Variants in ZC3H12B observed in about 807,000 individuals in gnomAD.
ZC3H12B encodes probable ribonuclease ZC3H12B.
In ZC3H12B, 7 loss-of-function variants were observed where a neutral mutation model predicts 43.9. The observed-to-expected ratio is 0.16, with a 90% confidence interval of 0.09 to 0.30. The LOEUF is 0.30. Ranked by LOEUF, ZC3H12B falls within the 10% of genes least tolerant of loss-of-function variation. ZC3H12B has a pLI of 1.00. For missense variants in ZC3H12B, 475 were observed against 670.2 expected (o/e 0.71, Z 3.22); for synonymous variants, 222 against 241.7 (o/e 0.92, Z 0.76).
the ZC3H12B span, among the ~76,000 whole-genome samples, chrX:65,284,573 C>T: frequency 1.8e-5 from 2 of 111,035 alleles, no homozygotes; most frequent in East Asian, 5.7e-4. Context: ...AACAGCCTGG[C>T]CAACATGGTG....
At chrX:65,351,598 A>T in the ZC3H12B span, among the ~76,000 whole-genome samples, 1 of 112,541 alleles carries the variant, frequency 8.9e-6, no homozygotes, top group African/African-American at 3.2e-5. Context: ...CAGAATCTAC[A>T]AAGGACTTAA....
chrX:65,116,495 T>G, the ZC3H12B span, among the ~76,000 whole-genome samples: 5 of 111,341 alleles, frequency 4.5e-5, no homozygotes, highest in Non-Finnish European at 9.4e-5. Flanking sequence ...GCTTCCAGAT[T>G]TGTTCTTTTT....
At position 65,436,158 on chromosome X, in the gene ZC3H12B, G is replaced by A. The variant is rs112250889; in HGVS notation, n.407+37454G>A. The stretch of plus-strand genomic sequence containing the variant: ...GCAGGAGGAAGAGAGAGTAAAGAGG[G>A]AAGTACCACACAGTTTTCAAACAAC... On this transcript the variant is annotated intron_variant and non_coding_transcript_variant, in intron 3 of 5. Transcript: ENST00000617377. Among the ~76,000 whole-genome samples, 766 of 111,431 alleles carry A rather than the reference G, an allele frequency of 6.9e-3. 9 individuals are homozygous for A. The highest frequency in any genetic ancestry group is 0.024 in the African/African-American group (726 of 30,719).
the ZC3H12B span, among the ~76,000 whole-genome samples, chrX:65,092,577 A>G: frequency 8.9e-6 from 1 of 111,981 alleles, no homozygotes; most frequent in Non-Finnish European, 1.9e-5. Flanking sequence ...GCAAAGAGGA[A>G]GGCTGCATCA....
chrX:65,437,040 C>T (rs947688769), intron 3 of ZC3H12B, among the ~76,000 whole-genome samples: 2 of 110,452 alleles, frequency 1.8e-5, no homozygotes, highest in Non-Finnish European at 3.8e-5. Context: ...GCAGCCTCCA[C>T]CTTCTGGGTT....
chrX:65,419,651 A>T (rs907474858), intron 3 of ZC3H12B, among the ~76,000 whole-genome samples: 1 of 111,081 alleles, frequency 9.0e-6, no homozygotes, highest in Non-Finnish European at 1.9e-5. Flanking sequence ...CCACAGTGAA[A>T]CACAGCACCA....
chrX:65,364,073 C>T (rs1258362108), upstream of ZC3H12B, among the ~76,000 whole-genome samples: 1 of 110,947 alleles, frequency 9.0e-6, no homozygotes, highest in Non-Finnish European at 1.9e-5. Context: ...ATTCCTCACC[C>T]TGATCACACC....
the ZC3H12B span, among the ~76,000 whole-genome samples, chrX:65,190,432 A>G: frequency 9.0e-5 from 10 of 111,349 alleles, no homozygotes; most frequent in Non-Finnish European, 1.9e-4. Context: ...ACCCATGAGC[A>G]TGGAATGTTC....
chrX:65,148,486 A>G, the ZC3H12B span, among the ~76,000 whole-genome samples: 13 of 111,236 alleles, frequency 1.2e-4, no homozygotes, highest in East Asian at 3.7e-3. Flanking sequence ...CCTAGTGTTG[A>G]CATGCGTCTG....
intron 2 of ZC3H12B, among the ~76,000 whole-genome samples, chrX:65,375,859 T>C (rs1411659213): frequency 9.0e-6 from 1 of 111,381 alleles, no homozygotes; most frequent in Non-Finnish European, 1.9e-5. Context: ...AGATCCAGCA[T>C]ATTTTCAGCT....
chrX:65,188,928 C>T, the ZC3H12B span, among the ~76,000 whole-genome samples: 1 of 96,080 alleles, frequency 1.0e-5, no homozygotes, highest in Non-Finnish European at 2.1e-5. Context: ...GTATATCTCC[C>T]AATGCTATCC....
At chrX:65,251,865 A>AT in the ZC3H12B span, among the ~76,000 whole-genome samples, 1 of 111,530 alleles carries the variant, frequency 9.0e-6, no homozygotes, top group Non-Finnish European at 1.9e-5. Context: ...TAGATATACA[A>AT]TCATGTCATC....
intron 3 of ZC3H12B, among the ~76,000 whole-genome samples, chrX:65,426,485 A>T (rs1183840776): frequency 1.0e-5 from 1 of 99,650 alleles, no homozygotes; most frequent in Non-Finnish European, 2.0e-5. Context: ...TTCAGCTTTG[A>T]TCTTGGTTAT....
the ZC3H12B span, among the ~76,000 whole-genome samples, chrX:65,131,679 C>T: frequency 9.0e-6 from 1 of 111,351 alleles, no homozygotes; most frequent in East Asian, 2.8e-4. Flanking sequence ...CCTAACCATG[C>T]GTAGGAAGGA....
the ZC3H12B span, among the ~76,000 whole-genome samples, chrX:65,045,394 T>C: frequency 2.2e-3 from 249 of 112,344 alleles, 2 homozygotes; most frequent in African/African-American, 6.9e-3. Flanking sequence ...GTAATATTCT[T>C]AATTCTTTGT....
chrX:65,286,115 A>C, the ZC3H12B span, among the ~76,000 whole-genome samples: 2 of 112,034 alleles, frequency 1.8e-5, no homozygotes, highest in Non-Finnish European at 3.8e-5. Context: ...ATGCACTCAT[A>C]TGTTAAACAT....
the ZC3H12B span, among the ~76,000 whole-genome samples, chrX:65,224,934 A>C: frequency 8.9e-6 from 1 of 111,788 alleles, no homozygotes; most frequent in Non-Finnish European, 1.9e-5. Context: ...GTAGGCTCCA[A>C]CTCTGGGGGA....
the ZC3H12B span, among the ~76,000 whole-genome samples, chrX:65,061,842 C>T: frequency 8.9e-6 from 1 of 112,234 alleles, no homozygotes; most frequent in East Asian, 2.8e-4. Flanking sequence ...TTTCCTGACT[C>T]TTTAATGATC....
At chrX:65,297,601 C>T in the ZC3H12B span, among the ~76,000 whole-genome samples, 1 of 110,817 alleles carries the variant, frequency 9.0e-6, no homozygotes, top group Non-Finnish European at 1.9e-5. Context: ...TAATGCAATT[C>T]TCATCAAAAT....
Sources: gnomAD v4.1 joint callset for allele counts (sites outside exome capture counted in the v4.1 genomes callset) on GRCh38, gnomAD v4.1.1 for gene constraint, MANE v1.5 for transcripts, NCBI Gene and HGNC (gene_info 2026-07-23, HGNC 2026-07-21) for gene names.